TSPAN5: variants seen among roughly 807,000 people sequenced by gnomAD.
TSPAN5 encodes the protein tetraspanin-5.
Under a neutral mutation model 37.1 loss-of-function variants are expected in TSPAN5, and 10 were observed. That is an observed-to-expected ratio of 0.27 (90% confidence interval 0.17 to 0.46). The LOEUF (loss-of-function observed/expected upper bound fraction) is 0.46, where lower values mean the gene tolerates loss of function less well. Ranked by LOEUF, TSPAN5 falls within the 20% of genes least tolerant of loss-of-function variation. The pLI, the probability that TSPAN5 is intolerant of heterozygous loss-of-function variation, is 1.00. For synonymous variants in TSPAN5, 110 were observed against 118.9 expected (o/e 0.93, Z 0.48); for missense variants, 195 against 326.6 (o/e 0.60, Z 3.11).
At chr4:98,481,891 G>T in intron 4 of TSPAN5, 114 bp downstream of exon 4, 1 of 978,128 alleles carries the variant, frequency 1.0e-6, no homozygotes. Flanking sequence ...AAACACCCAT[G>T]CAGAATAGTC....
chr4:98,476,126 C>T, intron 7 of TSPAN5, 63 bp downstream of exon 7: 10 of 1,320,522 alleles, frequency 7.6e-6, no homozygotes, highest in South Asian at 1.2e-5. Context: ...AAGCTCCGAT[C>T]CTGGCAAGGG....
At chr4:98,609,270 T>TCG (rs1560557810) in intron 1 of TSPAN5, among the ~76,000 whole-genome samples, 1 of 151,974 alleles carries the variant, frequency 6.6e-6, no homozygotes, top group Non-Finnish European at 1.5e-5. Flanking sequence ...TCGGATTTGC[T>TCG]GGGGGTGAGC....
intron 1 of TSPAN5, among the ~76,000 whole-genome samples, chr4:98,513,228 C>CA (rs145578708): frequency 0.092 from 14,064 of 152,094 alleles, 880 homozygotes; most frequent in South Asian, 0.24. Flanking sequence ...ATTAGAGACA[C>CA]GAGCATGGAC....
rs184506030 is a variant in TSPAN5 at position 98,610,739 on chromosome 4, A to G, written c.81+47407T>C. On this transcript the variant is annotated intron_variant, in intron 1 of 7. Transcript: ENST00000305798. Reference sequence around the variant, plus strand: ...GCTCTGTGGTGCCCCTTCATTATACATCTCTGTTAGCTAACAACTCACTTA... The same window carrying G: ...GCTCTGTGGTGCCCCTTCATTATACGTCTCTGTTAGCTAACAACTCACTTA... 2.6e-3 allele frequency among the ~76,000 whole-genome samples: 397 copies of G among 152,204 alleles called. 1 individual carries two copies. The highest frequency in any genetic ancestry group is 9.1e-3 in the African/African-American group (378 of 41,516).
chr4:98,487,538 C>T (rs1752999311), intron 2 of TSPAN5, among the ~76,000 whole-genome samples: 1 of 152,024 alleles, frequency 6.6e-6, no homozygotes, highest in African/African-American at 2.4e-5. Context: ...ACACAGCACC[C>T]GGTCCGGCTA....
At chr4:98,560,602 G>A (rs1160392571) in intron 1 of TSPAN5, among the ~76,000 whole-genome samples, 1 of 152,190 alleles carries the variant, frequency 6.6e-6, no homozygotes, top group African/African-American at 2.4e-5. Context: ...GAACAACAAA[G>A]CTCTGCCTTC....
chr4:98,542,249 A>ACCCATGGAG (rs1754375684), intron 1 of TSPAN5, among the ~76,000 whole-genome samples: 1 of 152,164 alleles, frequency 6.6e-6, no homozygotes, highest in Admixed American at 6.5e-5. Flanking sequence ...CATCCGTTCC[A>ACCCATGGAG]CCCATGGAGC....
chr4:98,484,480 T>A (rs1202192497), intron 3 of TSPAN5: 1 of 455,954 alleles, frequency 2.2e-6, no homozygotes, highest in Admixed American at 2.4e-5. Flanking sequence ...TTTCCAAGTC[T>A]TAAAAGCCAA....
chr4:98,537,129 T>A (rs1754253525), intron 1 of TSPAN5, among the ~76,000 whole-genome samples: 1 of 151,990 alleles, frequency 6.6e-6, no homozygotes, highest in East Asian at 1.9e-4. Context: ...CCTGGTGGGG[T>A]GGGCACCGGA....
intron 1 of TSPAN5, chr4:98,657,706 C>T (rs138006024): frequency 3.1e-4 from 75 of 243,400 alleles, no homozygotes; most frequent in African/African-American, 8.2e-4. Context: ...GAGCCAAGCC[C>T]TCGTCCAATC....
At chr4:98,527,038 G>T (rs902040137) in intron 1 of TSPAN5, among the ~76,000 whole-genome samples, 1 of 152,034 alleles carries the variant, frequency 6.6e-6, no homozygotes, top group Non-Finnish European at 1.5e-5. Flanking sequence ...ACTGTTTTTT[G>T]CCTTTTTAAA....
rs576300214 is a variant in TSPAN5 at position 98,558,291 on chromosome 4, A to G, written c.82-50563T>C. Among the ~76,000 whole-genome samples the G allele has an allele frequency of 6.6e-5, 10 of 152,326 alleles. No individual in the cohort carries two copies. The South Asian group carries it at 1.7e-3, about 25-fold the overall frequency. The stretch of plus-strand genomic sequence containing the variant: ...ATTTCTAACATAAGGTGTTAGTAAC[A>G]GGGGAAAATGGGTGCACAGTAAATG... On this transcript the variant is annotated intron_variant, in intron 1 of 7. Coordinates refer to ENST00000305798, the MANE Select transcript of TSPAN5 (RefSeq NM_005723.4).
chr4:98,613,766 G>GT (rs1350488757), intron 1 of TSPAN5, among the ~76,000 whole-genome samples: 7 of 151,968 alleles, frequency 4.6e-5, no homozygotes, highest in African/African-American at 1.7e-4. Flanking sequence ...ATTATTACAG[G>GT]TTGATATTGA....
At chr4:98,635,542 C>T (rs912195306) in intron 1 of TSPAN5, among the ~76,000 whole-genome samples, 3 of 152,154 alleles carry the variant, frequency 2.0e-5, no homozygotes, top group African/African-American at 7.2e-5. Context: ...GTTTAATAGC[C>T]AGCTTGTATT....
chr4:98,616,983 C>G (rs1000119246), intron 1 of TSPAN5, among the ~76,000 whole-genome samples: 2 of 151,980 alleles, frequency 1.3e-5, no homozygotes, highest in Non-Finnish European at 2.9e-5. Flanking sequence ...ACCACCATGC[C>G]TGGCTAATTC....
Position 98,491,349 on chromosome 4 carries a change from C to G in TSPAN5, c.133-4465G>C, listed in dbSNP as rs114736501. Among the ~76,000 whole-genome samples, 486 of 152,158 alleles carry G rather than the reference C, an allele frequency of 3.2e-3. 2 individuals are homozygous for G. Among genetic ancestry groups the G allele is most frequent in the African/African-American group, 0.011 (463 of 41,512 alleles). ...GGAAAATTAGGGATTACTTACCTAG[C>G]AGGAGAAAAAAAACAGACTTATTCT... On this transcript the variant is annotated intron_variant, in intron 2 of 7. Transcript: ENST00000305798.
chr4:98,587,705 T>C (rs958684076), intron 1 of TSPAN5, among the ~76,000 whole-genome samples: 1 of 152,052 alleles, frequency 6.6e-6, no homozygotes, highest in Non-Finnish European at 1.5e-5. Context: ...CTGACCAATA[T>C]GGTGAAACCC....
rs150108384 is a variant in TSPAN5, at chr4:98,625,375, G to A, written c.81+32771C>T. On this transcript the variant is annotated intron_variant, in intron 1 of 7. Transcript: ENST00000305798. ...GTTGCCCAGTCACACTGATAGTTCC[G>A]AGCAGAATTTGGAGCCACTTTGGTT... is the stretch of plus-strand genomic sequence containing the variant. 8.5e-5 allele frequency among the ~76,000 whole-genome samples: 13 copies of A among 152,248 alleles called. No individual in the cohort carries two copies. In the East Asian group the frequency reaches 1.9e-3, roughly 23 times the overall value.
At chr4:98,652,716 G>T (rs1376408634) in intron 1 of TSPAN5, among the ~76,000 whole-genome samples, 2 of 152,088 alleles carry the variant, frequency 1.3e-5, no homozygotes, top group Non-Finnish European at 2.9e-5. Context: ...AGACTCTTTG[G>T]GGTGCTTACA....
Sources: allele counts gnomAD v4.1 joint callset (sites outside exome capture counted in the v4.1 genomes callset), GRCh38; gene constraint gnomAD v4.1.1; transcripts MANE v1.5; gene names NCBI Gene and HGNC (gene_info 2026-07-23, HGNC 2026-07-21).